KAT2B: variants seen among roughly 807,000 people sequenced by gnomAD.
KAT2B encodes the protein lysine acetyltransferase 2B.
In KAT2B, 36 loss-of-function variants were observed where a neutral mutation model predicts 105.9. The ratio of observed to expected loss-of-function variants is 0.34; its 90% confidence interval spans 0.26 to 0.45. The LOEUF is 0.45. Among genes scored for constraint, KAT2B ranks in the 20% least tolerant of loss-of-function variants. KAT2B has a pLI of 1.00. For synonymous variants in KAT2B, 397 were observed against 377.9 expected (o/e 1.05, Z -0.59); for missense variants, 820 against 1,021.6 (o/e 0.80, Z 2.69).
At chr3:20,102,711 C>T (rs964564542) in intron 5 of KAT2B, among the ~76,000 whole-genome samples, 1 of 152,176 alleles carries the variant, frequency 6.6e-6, no homozygotes, top group Non-Finnish European at 1.5e-5. Flanking sequence ...CATTTATTTT[C>T]ATCTGAAGGA....
intron 5 of KAT2B, among the ~76,000 whole-genome samples, chr3:20,110,282 T>C (rs997254139): frequency 2.6e-5 from 4 of 152,138 alleles, no homozygotes; most frequent in African/African-American, 9.7e-5. Flanking sequence ...TTTTTGACCT[T>C]TTCCTCGTTT....
At chr3:20,119,461 C>G (rs192135299) in intron 7 of KAT2B, 137 bp from the exon 8 acceptor site, 4 of 748,606 alleles carry the variant, frequency 5.3e-6, no homozygotes, top group Non-Finnish European at 9.0e-6. Flanking sequence ...TATTTTGATG[C>G]CTTGTGGCTT....
chr3:20,123,288 T>C (rs1334608208), intron 9 of KAT2B, among the ~76,000 whole-genome samples: 1 of 152,214 alleles, frequency 6.6e-6, no homozygotes, highest in Non-Finnish European at 1.5e-5. Flanking sequence ...TTTTTGCATG[T>C]ACTGTATCTC....
chr3:20,126,130 G>A lies in KAT2B; in HGVS notation c.1622+17G>A, dbSNP rs1427299290. The A allele has an allele frequency of 6.4e-7, 1 of 1,560,330 alleles. No homozygotes were observed. Among genetic ancestry groups the A allele is most frequent in the Admixed American group, 1.9e-5 (1 of 52,174 alleles). On this transcript the variant is annotated intron_variant, in intron 10 of 17. Transcript: ENST00000263754. ...CTTTGACCCGTAAGTGGTACTTTCT[G>A]TTCCTTCTTCCTTATTTCCTTTTTA...
intron 5 of KAT2B, among the ~76,000 whole-genome samples, chr3:20,107,180 G>A (rs369327692): frequency 2.0e-5 from 3 of 148,038 alleles, no homozygotes; most frequent in East Asian, 4.1e-4. Context: ...ACAGGCATGC[G>A]CCACCACAGC....
At chr3:20,117,537 G>A (rs1285785581) in intron 7 of KAT2B, among the ~76,000 whole-genome samples, 1 of 152,110 alleles carries the variant, frequency 6.6e-6, no homozygotes, top group East Asian at 1.9e-4. Flanking sequence ...TATATTGGGA[G>A]AAAAAAACAT....
At chr3:20,093,318 C>T (rs889724628) in intron 2 of KAT2B, among the ~76,000 whole-genome samples, 3 of 152,190 alleles carry the variant, frequency 2.0e-5, no homozygotes, top group African/African-American at 7.2e-5. Flanking sequence ...TGGTGTAGAA[C>T]ACTTACCTCA....
At chr3:20,125,878 A>G (rs748685129) in intron 9 of KAT2B, 27 bp from the exon 10 acceptor site, 6 of 1,587,890 alleles carry the variant, frequency 3.8e-6, no homozygotes, top group Non-Finnish European at 5.2e-6. Flanking sequence ...AGCTCTGTGT[A>G]ATTTTTTCCT....
chr3:20,127,458 G>C lies in KAT2B; in HGVS notation c.1658G>C (p.Arg553Pro), dbSNP rs774973502. ...HKTLALIKDG[R>P]VIGGICFRMF... ...ACCCTTGCTTTAATTAAAGATGGCC[G>C]TGTTATTGGTGGTATCTGTTTCCGT... The change falls in exon 11 of 18, where the codon CGT becomes CCT. Residue 553 changes from arginine (R) to proline (P), a missense_variant. Around this residue, in one of 6 missense-constraint regions of KAT2B, gnomAD observed 225 missense variants for 268.1 expected, o/e 0.84. Coordinates refer to ENST00000263754, the MANE Select transcript of KAT2B (RefSeq NM_003884.5). 3.1e-6 allele frequency: 5 copies of C among 1,612,828 alleles called. No homozygotes were observed. The South Asian group carries it at 5.5e-5, about 18-fold the overall frequency.
intron 17 of KAT2B, among the ~76,000 whole-genome samples, chr3:20,150,884 T>TGG (rs11414280): frequency 2.6e-5 from 4 of 152,102 alleles, no homozygotes; most frequent in South Asian, 2.1e-4. Flanking sequence ...TCCCCCTTTT[T>TGG]GGGGGGTACA....
At chr3:20,111,832 A>G (rs1376953022) in intron 6 of KAT2B, 45 bp downstream of exon 6, 16 of 1,484,874 alleles carry the variant, frequency 1.1e-5, no homozygotes, top group Non-Finnish European at 1.5e-5. Context: ...CCAGAGCTTG[A>G]GGTTGCTAAA....
intron 11 of KAT2B, among the ~76,000 whole-genome samples, chr3:20,133,940 T>C (rs1461696453): frequency 6.6e-6 from 1 of 152,240 alleles, no homozygotes; most frequent in East Asian, 1.9e-4. Context: ...AAATTTTCTT[T>C]TATTCTATCT....
rs767470529 is a variant in KAT2B at position 20,146,419 on chromosome 3, T to C, written c.2108T>C (p.Ile703Thr). 2.5e-6 allele frequency: 4 copies of C among 1,603,264 alleles called. No homozygotes were observed. In the African/African-American group the frequency reaches 5.4e-5, roughly 21 times the overall value. The change falls in exon 14 of 18, where the codon ATT becomes ACT. Residue 703 changes from isoleucine (I) to threonine (T), a missense_variant. This residue lies in a region of KAT2B where 227 missense variants were observed against 292.9 expected (regional missense o/e 0.77). Coordinates refer to ENST00000263754, the MANE Select transcript of KAT2B (RefSeq NM_003884.5). Reference sequence around the variant, plus strand: ...GTTCGACAGATTCCTATAGAAAGCATTCCTGGAATTAGTACGTATAGACCT... The same window carrying C: ...GTTCGACAGATTCCTATAGAAAGCACTCCTGGAATTAGTACGTATAGACCT... ...DGVRQIPIES[I>T]PGIRETGWKP...
intron 11 of KAT2B, among the ~76,000 whole-genome samples, chr3:20,128,602 C>G (rs1213771241): frequency 1.3e-5 from 2 of 152,148 alleles, no homozygotes; most frequent in African/African-American, 2.4e-5. Context: ...GTGTCGCAGT[C>G]TGGCGAGAAT....
At chr3:20,104,192 C>T (rs1323531438) in intron 5 of KAT2B, among the ~76,000 whole-genome samples, 4 of 152,150 alleles carry the variant, frequency 2.6e-5, no homozygotes, top group Non-Finnish European at 5.9e-5. Flanking sequence ...CCTGAGCCAA[C>T]AGCTGAAGGC....
intron 2 of KAT2B, among the ~76,000 whole-genome samples, chr3:20,090,820 A>G (rs116477699): frequency 0.011 from 1,681 of 152,198 alleles, 34 homozygotes; most frequent in African/African-American, 0.038. Flanking sequence ...CTGCAACCTC[A>G]ATCTTGTGGG....
chr3:20,111,761 A>C lies in KAT2B; in HGVS notation c.1017A>C (p.Arg339=). Residue 339 remains arginine, a synonymous_variant, in exon 6 of 18, where the codon CGA becomes CGC. Transcript: ENST00000263754. ...AAGATAAACTGCCTCTTGAAAAACGAACTCTAATCCTCACTCATTTCCCAA... is the reference window on the plus strand; with the variant it reads ...AAGATAAACTGCCTCTTGAAAAACGCACTCTAATCCTCACTCATTTCCCAA... ...QEKDKLPLEK[R]TLILTHFPKF... is the part of the protein sequence containing the mutation. The C allele has an allele frequency of 6.2e-7, 1 of 1,613,948 alleles. No individual in the cohort carries two copies. Among genetic ancestry groups the C allele is most frequent in the Non-Finnish European group, 8.5e-7 (1 of 1,179,910 alleles).
chr3:20,059,812 T>C (rs1698069097), intron 1 of KAT2B, among the ~76,000 whole-genome samples: 1 of 152,210 alleles, frequency 6.6e-6, no homozygotes, highest in Non-Finnish European at 1.5e-5. Flanking sequence ...ATTGACAAGT[T>C]GTACAATCAT....
intron 10 of KAT2B, among the ~76,000 whole-genome samples, chr3:20,127,015 CT>C (rs1403864321): frequency 6.6e-6 from 1 of 152,080 alleles, no homozygotes; most frequent in Non-Finnish European, 1.5e-5. Context: ...ATTTTAAATT[CT>C]TTTTCATAAT....
Sources: allele counts gnomAD v4.1 joint callset (sites outside exome capture counted in the v4.1 genomes callset), GRCh38; gene constraint gnomAD v4.1.1; regional missense constraint gnomAD v4.1.1; transcripts MANE v1.5; gene names NCBI Gene and HGNC (gene_info 2026-07-23, HGNC 2026-07-21).